BAG4: variants seen among roughly 807,000 people sequenced by gnomAD.
BAG4 encodes BAG cochaperone 4, also known as BAG family molecular chaperone regulator 4.
BAG4 carries 28 observed loss-of-function variants against 52.1 expected under a neutral mutation model. The observed-to-expected ratio is 0.54, with a 90% confidence interval of 0.40 to 0.74. The LOEUF (loss-of-function observed/expected upper bound fraction) is 0.74, where lower values mean the gene tolerates loss of function less well. Ranked by LOEUF, BAG4 falls within the 30% of genes least tolerant of loss-of-function variation. BAG4 has a pLI of 0.00. For synonymous variants in BAG4, 208 were observed against 217.0 expected, an observed-to-expected ratio of 0.96 and a Z score of 0.37; for missense variants, 525 against 572.0, an observed-to-expected ratio of 0.92 and a Z score of 0.84.
Position 38,210,277 on chromosome 8 carries a change from G to A in BAG4, c.1158G>A (p.Val386=). Residue 386 remains valine (V), a synonymous_variant, in exon 5 of 5, where the codon GTG becomes GTA. Transcript: ENST00000287322. The part of the protein sequence containing the change: ...TPPSIKKIIH[V]LEKVQYLEQE... ...CGAGTATTAAAAAAATCATACATGT[G>A]CTGGAGAAGGTCCAGTATCTTGAAC... The A allele has an allele frequency of 6.2e-7, 1 of 1,614,126 alleles. No individual in the cohort carries two copies. The highest frequency in any genetic ancestry group is 8.5e-7 in the Non-Finnish European group (1 of 1,180,028).
chr8:38,194,282 A>G (rs2130676173), intron 2 of BAG4, among the ~76,000 whole-genome samples: 1 of 151,540 alleles, frequency 6.6e-6, no homozygotes, highest in East Asian at 1.9e-4. Context: ...GAGATGTGTG[A>G]TTTCATACTA....
Position 38,192,717 on chromosome 8 carries a change from T to C in BAG4, c.300T>C (p.Ser100=), listed in dbSNP as rs775194669. ...AGCCACCATATCCTAGCTACAATTC[T>C]AACTATTGGAATTCTACTGCGAGAT... The part of the protein sequence containing the change: ...QEQPPYPSYN[S]NYWNSTARSR... The change falls in exon 2 of 5, where the codon TCT becomes TCC. Residue 100 remains serine, a synonymous_variant. Coordinates refer to ENST00000287322, the MANE Select transcript of BAG4 (RefSeq NM_004874.4). The C allele has an allele frequency of 3.1e-6, 5 of 1,612,674 alleles. No individual in the cohort carries two copies.
chr8:38,186,387 C>T (rs924554713), intron 1 of BAG4, among the ~76,000 whole-genome samples: 2 of 152,112 alleles, frequency 1.3e-5, no homozygotes, highest in African/African-American at 4.8e-5. Flanking sequence ...GATGTTTTAT[C>T]TGGAAGCAGA....
chr8:38,208,309 T>C (rs28618339), intron 3 of BAG4, among the ~76,000 whole-genome samples: 2 of 136,218 alleles, frequency 1.5e-5, no homozygotes, highest in Admixed American at 7.4e-5. Context: ...GTTAGGTTCT[T>C]TTTTTTTTTT....
chr8:38,176,885 C>T lies in BAG4; in HGVS notation c.16C>T (p.Arg6Cys), dbSNP rs1187114537. MSALR[R>C]SGYGPSDGPS... ...AGCGGATCCCATGTCGGCCCTGAGG[C>T]GCTCGGGCTACGGCCCCAGTGACGG... Residue 6 changes from arginine to cysteine, a missense_variant, in exon 1 of 5, where the codon CGC (arginine) becomes TGC (cysteine). Arg to Cys is a radical substitution (Grantham distance 180, BLOSUM62 -3). Coordinates refer to ENST00000287322, the MANE Select transcript of BAG4 (RefSeq NM_004874.4). 4.5e-6 allele frequency: 7 copies of T among 1,540,042 alleles called. No homozygotes were observed. Among genetic ancestry groups the T allele is most frequent in the Non-Finnish European group, 5.3e-6 (6 of 1,141,934 alleles).
At chr8:38,178,445 T>G (rs1803208018) in intron 1 of BAG4, among the ~76,000 whole-genome samples, 1 of 152,238 alleles carries the variant, frequency 6.6e-6, no homozygotes, top group Admixed American at 6.5e-5. Flanking sequence ...ATTACAGGCG[T>G]GAGCCACTGC....
intron 1 of BAG4, among the ~76,000 whole-genome samples, chr8:38,179,252 C>T (rs923803532): frequency 6.6e-5 from 10 of 152,092 alleles, no homozygotes; most frequent in Non-Finnish European, 1.3e-4. Context: ...CTCTGCCTCC[C>T]GGGGTCAAAG....
chr8:38,206,247 C>G (rs1453357198), intron 2 of BAG4, among the ~76,000 whole-genome samples: 1 of 149,514 alleles, frequency 6.7e-6, no homozygotes, highest in Non-Finnish European at 1.5e-5. Flanking sequence ...TGCACTCCAG[C>G]CTGGGTGACA....
Position 38,183,425 on chromosome 8 carries a change from A to G in BAG4, c.270+6286A>G, listed in dbSNP as rs146374575. 1.7e-3 allele frequency among the ~76,000 whole-genome samples: 266 copies of G among 152,228 alleles called. 2 individuals are homozygous for G. The highest frequency in any genetic ancestry group is 6.0e-3 in the African/African-American group (250 of 41,542). ...TCCCAGAACTTCTCCTGCCGACTCA[A>G]AAGTTAGATTCTTCTGAGTAAAACA... On this transcript the variant is annotated intron_variant, in intron 1 of 4. Transcript: ENST00000287322.
At chr8:38,203,451 T>A (rs570597856) in intron 2 of BAG4, among the ~76,000 whole-genome samples, 1 of 151,728 alleles carries the variant, frequency 6.6e-6, no homozygotes, top group Non-Finnish European at 1.5e-5. Flanking sequence ...CCCAGCTAAT[T>A]TTTTTGTATT....
At chr8:38,193,131 A>G (rs887933237) in intron 2 of BAG4, among the ~76,000 whole-genome samples, 1 of 152,202 alleles carries the variant, frequency 6.6e-6, no homozygotes, top group African/African-American at 2.4e-5. Flanking sequence ...TAAATCTAGC[A>G]TGCAGGGCTG....
Position 38,210,533 on chromosome 8 carries a change from C to G in BAG4, c.*40C>G. 1 of 1,521,640 alleles carries G rather than the reference C, an allele frequency of 6.6e-7. No individual in the cohort carries two copies. The highest frequency in any genetic ancestry group is 1.3e-5 in the South Asian group (1 of 74,114). The allele number at this position is 1,521,640 out of a possible 1,614,324, so 94.3% of individuals were successfully genotyped here. A position where few individuals can be genotyped will look rare whatever the true frequency, so the allele number is the denominator to read the frequency against. ...AAGTGGAAGCCTGTTACTAACTTGA[C>G]CAAAGAACACTTGATTTGGTTAATT... is the stretch of plus-strand genomic sequence containing the variant. On this transcript the variant is annotated 3_prime_UTR_variant, in exon 5 of 5. Transcript: ENST00000287322.
At chr8:38,198,339 A>C (rs540279993) in intron 2 of BAG4, among the ~76,000 whole-genome samples, 1 of 145,842 alleles carries the variant, frequency 6.9e-6, no homozygotes, top group Non-Finnish European at 1.5e-5. Context: ...AACCGAGATC[A>C]CGCCACTGCA....
At chr8:38,183,063 T>G (rs1025027232) in intron 1 of BAG4, among the ~76,000 whole-genome samples, 1 of 147,152 alleles carries the variant, frequency 6.8e-6, no homozygotes, top group Non-Finnish European at 1.5e-5. Context: ...TTTTTTTTTT[T>G]AGACAGAGTC....
At chr8:38,186,168 A>C (rs1169428711) in intron 1 of BAG4, among the ~76,000 whole-genome samples, 5 of 151,970 alleles carry the variant, frequency 3.3e-5, no homozygotes, top group African/African-American at 7.2e-5. Context: ...CCTTTCTTTC[A>C]CCCAGTCCCT....
At chr8:38,187,910 G>A (rs1232042587) in intron 1 of BAG4, among the ~76,000 whole-genome samples, 8 of 150,072 alleles carry the variant, frequency 5.3e-5, no homozygotes, top group East Asian at 3.9e-4. Context: ...GGTGGCGGGC[G>A]CCTGTAGTCC....
chr8:38,211,801 T>C lies in BAG4; in HGVS notation c.*1308T>C, dbSNP rs576920781. 5 of 152,280 alleles carry C rather than the reference T, an allele frequency of 3.3e-5. No homozygotes were observed. Among genetic ancestry groups the C allele is most frequent in the East Asian group, 3.9e-4 (2 of 5,186 alleles). The allele number at this position is 152,280 out of a possible 1,614,324, so 9.4% of individuals were successfully genotyped here. On this transcript the variant is annotated 3_prime_UTR_variant, in exon 5 of 5. Transcript: ENST00000287322. ...GAAAAGGATATTGAAAGGGTCTTTA[T>C]TGGCCTTGTTTGGGTAACTCTATGC...
At chr8:38,190,889 C>G (rs1803463374) in intron 1 of BAG4, among the ~76,000 whole-genome samples, 2 of 151,746 alleles carry the variant, frequency 1.3e-5, no homozygotes, top group Admixed American at 6.6e-5. Context: ...TCCTGAGTAG[C>G]TGAGATTACA....
intron 2 of BAG4, among the ~76,000 whole-genome samples, chr8:38,207,038 C>T (rs974654602): frequency 7.9e-5 from 12 of 151,400 alleles, no homozygotes; most frequent in African/African-American, 2.9e-4. Context: ...CTGCAACCTC[C>T]GCCTCCTGGG....
Sources: gnomAD v4.1 joint callset for allele counts (sites outside exome capture counted in the v4.1 genomes callset) on GRCh38, gnomAD v4.1.1 for gene constraint, MANE v1.5 for transcripts, NCBI Gene and HGNC (gene_info 2026-07-23, HGNC 2026-07-21) for gene names.